NTNG1: variants seen among roughly 807,000 people sequenced by gnomAD.
NTNG1 encodes netrin-G1.
A neutral mutation model predicts 54.0 loss-of-function variants in NTNG1; 16 were observed. The observed-to-expected ratio is 0.30, with a 90% confidence interval of 0.20 to 0.45. The LOEUF (loss-of-function observed/expected upper bound fraction) is 0.45. NTNG1 is among the 20% of genes least tolerant of loss of function. The pLI is 1.00. For missense variants in NTNG1, 530 were observed against 678.7 expected (o/e 0.78, Z 2.43); for synonymous variants, 255 against 263.1 (o/e 0.97, Z 0.30).
At chr1:107,349,796 C>A (rs1669492894) in intron 3 of NTNG1, among the ~76,000 whole-genome samples, 1 of 151,968 alleles carries the variant, frequency 6.6e-6, no homozygotes, top group Non-Finnish European at 1.5e-5. Context: ...AAATAGTATT[C>A]CATTGTGTGA....
intron 5 of NTNG1, among the ~76,000 whole-genome samples, chr1:107,426,598 A>G (rs1674924717): frequency 6.6e-6 from 1 of 151,946 alleles, no homozygotes; most frequent in Admixed American, 6.6e-5. Context: ...AAGTCAGGAA[A>G]TGTGATGCCT....
intron 2 of NTNG1, among the ~76,000 whole-genome samples, chr1:107,225,036 A>C (rs1660584525): frequency 6.6e-6 from 1 of 152,192 alleles, no homozygotes; most frequent in Non-Finnish European, 1.5e-5. Flanking sequence ...GTAAATGCTT[A>C]CTAAATATTA....
chr1:107,380,461 T>C (rs1429111128), intron 3 of NTNG1, among the ~76,000 whole-genome samples: 10 of 152,142 alleles, frequency 6.6e-5, no homozygotes, highest in Admixed American at 6.5e-4. Flanking sequence ...TTTTTCTTTA[T>C]CTGTAAAATA....
At chr1:107,441,878 C>A (rs1181574025) in intron 7 of NTNG1, among the ~76,000 whole-genome samples, 5 of 151,748 alleles carry the variant, frequency 3.3e-5, no homozygotes, top group African/African-American at 1.2e-4. Flanking sequence ...TAAAAGGATT[C>A]GAGAGGAGTA....
chr1:107,417,096 C>T (rs1490361868), intron 5 of NTNG1, among the ~76,000 whole-genome samples: 1 of 152,042 alleles, frequency 6.6e-6, no homozygotes, highest in African/African-American at 2.4e-5. Flanking sequence ...ATCTACCCAT[C>T]ATCAAAATGC....
chr1:107,460,319 G>A (rs1372815622), intron 7 of NTNG1: 14 of 507,238 alleles, frequency 2.8e-5, no homozygotes, highest in South Asian at 1.0e-4. Context: ...CCATGACATC[G>A]CTCCTCTGCT....
At chr1:107,407,559 C>T in intron 4 of NTNG1, 123 bp from the exon 5 acceptor site, 1 of 705,254 alleles carries the variant, frequency 1.4e-6, no homozygotes, top group Non-Finnish European at 2.4e-6. Flanking sequence ...TGTGTGTGTG[C>T]TAATTTCTTA....
intron 3 of NTNG1, among the ~76,000 whole-genome samples, chr1:107,390,328 A>T (rs2101069591): frequency 6.6e-6 from 1 of 152,326 alleles, no homozygotes; most frequent in South Asian, 2.1e-4. Context: ...CTTGCATGAG[A>T]CATTAAAGCT....
Position 107,481,441 on chromosome 1 carries a change from T to C in NTNG1, c.*601T>C, listed in dbSNP as rs935093949. ...CCCCTCTAAAAGCGCAAGCCAGTCATACCCCTGTATATCTTAGCAGCACTG... is the reference window on the plus strand; with the variant it reads ...CCCCTCTAAAAGCGCAAGCCAGTCACACCCCTGTATATCTTAGCAGCACTG... On this transcript the variant is annotated 3_prime_UTR_variant, in exon 8 of 8. Transcript: ENST00000370068. 1 of 153,020 alleles carries C rather than the reference T, an allele frequency of 6.5e-6. No individual in the cohort carries two copies. The highest frequency in any genetic ancestry group is 1.5e-5 in the Non-Finnish European group (1 of 68,364). 9.5% of individuals were successfully genotyped at this position (153,020 alleles called of 1,614,324 possible).
intron 7 of NTNG1, among the ~76,000 whole-genome samples, chr1:107,441,664 T>A (rs1675974941): frequency 6.6e-6 from 1 of 152,036 alleles, no homozygotes; most frequent in Non-Finnish European, 1.5e-5. Flanking sequence ...ATCTATAAAG[T>A]CTCTTTTGCC....
intron 2 of NTNG1, among the ~76,000 whole-genome samples, chr1:107,201,239 A>C (rs1658731943): frequency 6.6e-6 from 1 of 151,820 alleles, no homozygotes; most frequent in Admixed American, 6.6e-5. Flanking sequence ...CATGGAGACC[A>C]GGGAACTTTG....
intron 3 of NTNG1, among the ~76,000 whole-genome samples, chr1:107,342,819 G>A (rs1271347557): frequency 6.6e-6 from 1 of 152,006 alleles, no homozygotes; most frequent in African/African-American, 2.4e-5. Flanking sequence ...GACCTACAGT[G>A]TTCTAAAATT....
intron 2 of NTNG1, among the ~76,000 whole-genome samples, chr1:107,206,139 G>T (rs1659172357): frequency 6.6e-6 from 1 of 151,850 alleles, no homozygotes; most frequent in Admixed American, 6.6e-5. Flanking sequence ...TCTAATTGCT[G>T]GGTCATAATG....
chr1:107,312,146 A>G (rs553254192), intron 2 of NTNG1, among the ~76,000 whole-genome samples: 9 of 152,330 alleles, frequency 5.9e-5, no homozygotes, highest in Admixed American at 1.3e-4. Context: ...CCTATTAATG[A>G]TAATTCAGAA....
At chr1:107,418,175 A>G (rs1248365060) in intron 5 of NTNG1, among the ~76,000 whole-genome samples, 1 of 152,070 alleles carries the variant, frequency 6.6e-6, no homozygotes, top group African/African-American at 2.4e-5. Context: ...GAATGCAACC[A>G]GTTCATATCT....
At chr1:107,160,279 G>A in intron 2 of NTNG1, among the ~76,000 whole-genome samples, 1 of 152,196 alleles carries the variant, frequency 6.6e-6, no homozygotes, top group African/African-American at 2.4e-5. Flanking sequence ...TGCTGAAGAT[G>A]AAAAATCTAA....
intron 5 of NTNG1, among the ~76,000 whole-genome samples, chr1:107,429,907 T>C (rs1292693784): frequency 6.6e-6 from 1 of 152,152 alleles, no homozygotes; most frequent in Admixed American, 6.6e-5. Flanking sequence ...CATGCTCTTC[T>C]TCATCTCCCT....
At chr1:107,314,016 C>T (rs993260435) in intron 2 of NTNG1, among the ~76,000 whole-genome samples, 1 of 152,148 alleles carries the variant, frequency 6.6e-6, no homozygotes, top group African/African-American at 2.4e-5. Context: ...TTCTCCCAAA[C>T]CCAAATTTTA....
intron 2 of NTNG1, among the ~76,000 whole-genome samples, chr1:107,233,653 C>T (rs1661212465): frequency 6.6e-6 from 1 of 152,180 alleles, no homozygotes; most frequent in Admixed American, 6.5e-5. Context: ...ATCTAGAAGC[C>T]AGAACCCTTC....
Sources: allele counts gnomAD v4.1 joint callset (sites outside exome capture counted in the v4.1 genomes callset), GRCh38; gene constraint gnomAD v4.1.1; transcripts MANE v1.5; gene names NCBI Gene and HGNC (gene_info 2026-07-23, HGNC 2026-07-21).